The following SIX3 variants were observed in gnomAD, a reference collection of about 807,000 sequenced individuals.
The protein encoded by SIX3 is SIX homeobox 3.
A neutral mutation model predicts 21.7 loss-of-function variants in SIX3; 2 were observed. That is an observed-to-expected ratio of 0.09 (90% CI 0.04 to 0.29). The LOEUF is 0.29. Ranked by LOEUF, SIX3 falls within the 10% of genes least tolerant of loss-of-function variation. SIX3 has a pLI of 1.00. For synonymous variants in SIX3, 243 were observed against 220.6 expected (o/e 1.10, Z -0.90); for missense variants, 347 against 480.7 (o/e 0.72, Z 2.60).
Position 44,944,651 on chromosome 2 carries a change from C to T in SIX3, c.890C>T (p.Pro297Leu), listed in dbSNP as rs780942050. ...GCPTHGSAES[P>L]STAASPTTSV... ...CCCACGCACGGCTCGGCAGAGTCGC[C>T]GTCCACGGCGGCCAGCCCGACCACC... Residue 297 changes from proline to leucine, a missense_variant, in exon 2 of 2, where the codon CCG becomes CTG. Around this residue, in one of 4 missense-constraint regions of SIX3, gnomAD observed 110 missense variants for 93.3 expected, o/e 1.18. Transcript: ENST00000260653. The T allele has an allele frequency of 3.2e-6, 5 of 1,575,322 alleles. No individual in the cohort carries two copies. The Admixed American group carries it at 5.2e-5, about 16-fold the overall frequency.
In SIX3 at chr2:44,945,087, C is replaced by G. The variant is rs547756876; in HGVS notation, c.*327C>G. ...CGGGCAGAAAACATAAAAGAGGTGA[C>G]AATTGTATACTTTCTAGGACAAGCA... On this transcript the variant is annotated 3_prime_UTR_variant, in exon 2 of 2. Transcript: ENST00000260653. 1 of 437,266 alleles carries G rather than the reference C, an allele frequency of 2.3e-6. No homozygotes were observed. The highest frequency in any genetic ancestry group is 4.2e-6 in the Non-Finnish European group (1 of 239,276). The allele number at this position is 437,266 out of a possible 1,614,324, so 27.1% of individuals were successfully genotyped here. A position where few individuals can be genotyped will look rare whatever the true frequency, so the allele number is the denominator to read the frequency against.
intron 1 of SIX3, among the ~76,000 whole-genome samples, 157 bp from the exon 2 acceptor site, chr2:44,944,411 C>G (rs980525295): frequency 2.0e-5 from 3 of 152,220 alleles, no homozygotes; most frequent in Non-Finnish European, 4.4e-5. Flanking sequence ...CCAGGCCTCC[C>G]CAAGCGGCCG....
intron 1 of SIX3, among the ~76,000 whole-genome samples, chr2:44,944,008 G>A (rs1666637416): frequency 6.6e-6 from 1 of 152,214 alleles, no homozygotes; most frequent in Non-Finnish European, 1.5e-5. Context: ...CAGACACCAG[G>A]TCCAGGCAGA....
chr2:44,944,330 G>T (rs368238346), intron 1 of SIX3, among the ~76,000 whole-genome samples: 2 of 152,216 alleles, frequency 1.3e-5, no homozygotes, highest in South Asian at 4.1e-4. Context: ...CAGGGACTGC[G>T]GAGGGAAGAA....
chr2:44,944,457 T>C lies in SIX3; in HGVS notation c.807-111T>C, dbSNP rs547157354. ...CTGCCTCTCCTCCGAGGCCAGCCTCTATCTGAGAAGACTTGGGATGCTCCC... is the reference window on the plus strand; with the variant it reads ...CTGCCTCTCCTCCGAGGCCAGCCTCCATCTGAGAAGACTTGGGATGCTCCC... On this transcript the variant is annotated intron_variant, in intron 1 of 1. Coordinates refer to ENST00000260653, the MANE Select transcript of SIX3 (RefSeq NM_005413.4). 3.6e-5 allele frequency: 45 copies of C among 1,267,134 alleles called. 1 individual carries two copies. The South Asian group carries it at 3.7e-4, about 10-fold the overall frequency. 78.5% of individuals were successfully genotyped at this position (1,267,134 alleles called of 1,614,324 possible).
intron 1 of SIX3, among the ~76,000 whole-genome samples, chr2:44,943,309 G>A (rs1385395673): frequency 6.6e-6 from 1 of 152,240 alleles, no homozygotes; most frequent in South Asian, 2.1e-4. Context: ...GCAAAACCCC[G>A]AGAGAAATCC....
In SIX3 at chr2:44,944,678, G is replaced by C; in HGVS notation, c.917G>C (p.Ser306Thr). Residue 306 changes from serine to threonine, a missense_variant, in exon 2 of 2, where the codon AGC becomes ACC. Transcript: ENST00000260653. ...SPSTAASPTT[S>T]VSSLTERADT... is the part of the protein sequence containing the mutation. ...TCCACGGCGGCCAGCCCGACCACCA[G>C]CGTGTCCAGCCTGACGGAGCGCGCA... 6.3e-7 allele frequency: 1 copy of C among 1,584,114 alleles called. No individual in the cohort carries two copies.
Position 44,941,902 on chromosome 2 carries a change from G to A in SIX3, c.-203G>A. 1 of 368,852 alleles carries A rather than the reference G, an allele frequency of 2.7e-6. No individual in the cohort carries two copies. The highest frequency in any genetic ancestry group is 3.3e-5 in the South Asian group (1 of 30,352). The allele number at this position is 368,852 out of a possible 1,614,324, so 22.8% of individuals were successfully genotyped here. On this transcript the variant is annotated 5_prime_UTR_variant, in exon 1 of 2. In the 5' UTR this introduces an upstream ATG that the reference lacks. Coordinates refer to ENST00000260653, the MANE Select transcript of SIX3 (RefSeq NM_005413.4). ...CCTCCCTCTCTATGTGGCTGCGCGG[G>A]TGTGTGTGTGTGTGGATGTGTGTGG...
At chr2:44,944,227 C>T (rs888501948) in intron 1 of SIX3, among the ~76,000 whole-genome samples, 2 of 152,228 alleles carry the variant, frequency 1.3e-5, no homozygotes, top group African/African-American at 4.8e-5. Context: ...GGTGGGGAAC[C>T]CGCAGCTCCC....
chr2:44,945,639 T>G lies in SIX3; in HGVS notation c.*879T>G, dbSNP rs192407225. On this transcript the variant is annotated 3_prime_UTR_variant, in exon 2 of 2. Coordinates refer to ENST00000260653, the MANE Select transcript of SIX3 (RefSeq NM_005413.4). The stretch of plus-strand genomic sequence containing the variant: ...AGATTTTTATTTTTATTTCAAAATT[T>G]TATATGAATTATGTATATCTTAATG... 2.0e-5 allele frequency: 3 copies of G among 152,352 alleles called. No individual in the cohort carries two copies. Among genetic ancestry groups the G allele is most frequent in the Admixed American group, 2.0e-4 (3 of 15,308 alleles). The allele number at this position is 152,352 out of a possible 1,614,324, so 9.4% of individuals were successfully genotyped here.
chr2:44,943,239 C>G (rs1157724347), intron 1 of SIX3, among the ~76,000 whole-genome samples: 1 of 152,224 alleles, frequency 6.6e-6, no homozygotes, highest in Non-Finnish European at 1.5e-5. Flanking sequence ...TCCTCTGGAG[C>G]CTAGAGACAG....
In SIX3 at chr2:44,942,590, C is replaced by T. The variant is rs746533848; in HGVS notation, c.486C>T (p.His162=). ...LENHKFTKES[H]GKLQAMWLEA... is the part of the protein sequence containing the mutation. ...ACCACAAGTTCACCAAGGAGTCTCA[C>T]GGCAAGCTGCAGGCCATGTGGCTCG... Residue 162 remains histidine (H), a synonymous_variant, in exon 1 of 2, where the codon CAC becomes CAT. Transcript: ENST00000260653. The surrounding 1 kb of genome is among the most constrained non-coding windows in gnomAD (Gnocchi z 8.4). 10 of 1,598,280 alleles carry T rather than the reference C, an allele frequency of 6.3e-6. No individual in the cohort carries two copies. In the South Asian group the frequency reaches 8.8e-5, roughly 14 times the overall value.
In SIX3 at chr2:44,945,122, C is replaced by G. The variant is rs1324643305; in HGVS notation, c.*362C>G. 2.8e-5 allele frequency: 8 copies of G among 287,980 alleles called. No individual in the cohort carries two copies. The highest frequency in any genetic ancestry group is 7.4e-5 in the East Asian group (1 of 13,450). The allele number at this position is 287,980 out of a possible 1,614,324, so 17.8% of individuals were successfully genotyped here. On this transcript the variant is annotated 3_prime_UTR_variant, in exon 2 of 2. Transcript: ENST00000260653. Reference sequence around the variant, plus strand: ...CTTTCTAGGACAAGCACGGCTTCTCCTTTCGGTTCCCATGGACCCGGCACC... The same window carrying G: ...CTTTCTAGGACAAGCACGGCTTCTCGTTTCGGTTCCCATGGACCCGGCACC...
In SIX3 at chr2:44,944,657, C is replaced by T; in HGVS notation, c.896C>T (p.Thr299Met). ...CACGGCTCGGCAGAGTCGCCGTCCA[C>T]GGCGGCCAGCCCGACCACCAGCGTG... ...PTHGSAESPS[T>M]AASPTTSVSS... The change falls in exon 2 of 2, where the codon ACG becomes ATG. Residue 299 changes from threonine to methionine, a missense_variant. Thr to Met is a moderately conservative substitution (Grantham distance 81, BLOSUM62 -1). Around this residue, in one of 4 missense-constraint regions of SIX3, gnomAD observed 110 missense variants for 93.3 expected, o/e 1.18. Transcript: ENST00000260653. 3.8e-6 allele frequency: 6 copies of T among 1,577,270 alleles called. No individual in the cohort carries two copies. The highest frequency in any genetic ancestry group is 3.4e-5 in the South Asian group (3 of 88,212).
Position 44,942,770 on chromosome 2 carries a change from G to A in SIX3, c.666G>A (p.Arg222=). The change falls in exon 1 of 2, where the codon CGG becomes CGA. Residue 222 remains arginine, a synonymous_variant. Transcript: ENST00000260653. This position sits in a 1 kb window ranked among gnomAD's most constrained non-coding sequence, Gnocchi z 8.4. ...AGGAGCGGACTCGGAGCCTGTTGCG[G>A]GAGTGGTACCTACAGGACCCCTACC... The part of the protein sequence containing the change: ...CFKERTRSLL[R]EWYLQDPYPN... 13 of 1,600,442 alleles carry A rather than the reference G, an allele frequency of 8.1e-6. No homozygotes were observed. Among genetic ancestry groups the A allele is most frequent in the Non-Finnish European group, 1.1e-5 (13 of 1,179,854 alleles).
At position 44,942,218 on chromosome 2, in the gene SIX3, G is replaced by C; in HGVS notation, c.114G>C (p.Ala38=). 1.3e-6 allele frequency: 2 copies of C among 1,588,164 alleles called. No homozygotes were observed. Among genetic ancestry groups the C allele is most frequent in the South Asian group, 1.1e-5 (1 of 90,038 alleles). Residue 38 remains alanine (A), a synonymous_variant, in exon 1 of 2, where the codon GCG becomes GCC. Coordinates refer to ENST00000260653, the MANE Select transcript of SIX3 (RefSeq NM_005413.4). The surrounding 1 kb of genome is among the most constrained non-coding windows in gnomAD (Gnocchi z 8.4). Reference sequence around the variant, plus strand: ...CGAGTAGCGGCGGCGGGAACGGTGCGGGAGGCGGCGGCGGCGCGGGAGGCG... The same window carrying C: ...CGAGTAGCGGCGGCGGGAACGGTGCCGGAGGCGGCGGCGGCGCGGGAGGCG... ...LLASSGGGNG[A]GGGGGAGGGS... is the part of the protein sequence containing the mutation.
rs971789082 is a variant in SIX3, at chr2:44,942,398, G to C, written c.294G>C (p.Thr98=). ...SPEQVASVCE[T]LEETGDIERL... ...AGCAGGTGGCCAGCGTCTGTGAGAC[G>C]CTGGAGGAGACGGGCGACATCGAGC... Residue 98 remains threonine, a synonymous_variant, in exon 1 of 2, where the codon ACG becomes ACC. Transcript: ENST00000260653. The surrounding 1 kb of genome is among the most constrained non-coding windows in gnomAD (Gnocchi z 8.4). 2 of 1,597,312 alleles carry C rather than the reference G, an allele frequency of 1.3e-6. No homozygotes were observed. The highest frequency in any genetic ancestry group is 2.7e-5 in the African/African-American group (2 of 74,896).
rs746201264 is a variant in SIX3, at chr2:44,942,320, C to A, written c.216C>A (p.Ala72=). 1.1e-5 allele frequency: 18 copies of A among 1,590,650 alleles called. No homozygotes were observed. The highest frequency in any genetic ancestry group is 9.9e-5 in the South Asian group (9 of 90,522). The change falls in exon 1 of 2, where the codon GCC becomes GCA. Residue 72 remains alanine, a synonymous_variant. Transcript: ENST00000260653. The surrounding 1 kb of genome is among the most constrained non-coding windows in gnomAD (Gnocchi z 8.4). ...GCGGCGGCGGCGGCGGCTCCAGGGC[C>A]CCCCCGGAAGAGTTGTCCATGTTCC... ...AGGGGGGGSR[A]PPEELSMFQL...
At position 44,942,834 on chromosome 2, in the gene SIX3, G is replaced by T. The variant is rs989286015; in HGVS notation, c.730G>T (p.Gly244Cys). Residue 244 changes from glycine (G) to cysteine (C), a missense_variant, in exon 1 of 2, where the codon GGC becomes TGC. Transcript: ENST00000260653. This position sits in a 1 kb window ranked among gnomAD's most constrained non-coding sequence, Gnocchi z 8.4. ...GAAACGCGAACTGGCGCAGGCCACC[G>T]GCCTCACTCCCACACAAGTAGGCAA... ...SKKRELAQATGLTPTQVGNWF... is the reference protein window; with the variant it reads ...SKKRELAQATCLTPTQVGNWF... 1 of 1,599,406 alleles carries T rather than the reference G, an allele frequency of 6.3e-7. No individual in the cohort carries two copies. The highest frequency in any genetic ancestry group is 8.5e-7 in the Non-Finnish European group (1 of 1,179,912).
Sources: gnomAD v4.1 joint callset for allele counts (sites outside exome capture counted in the v4.1 genomes callset) on GRCh38, gnomAD v4.1.1 for gene constraint, gnomAD v4.1.1 regional missense constraint, Gnocchi (gnomAD v3.1) non-coding constraint, MANE v1.5 for transcripts, NCBI Gene and HGNC (gene_info 2026-07-23, HGNC 2026-07-21) for gene names.